The following CADPS variants were observed in gnomAD, a reference collection of about 807,000 sequenced individuals.
CADPS encodes the protein calcium dependent secretion activator, also known as calcium-dependent secretion activator 1.
CADPS carries 57 observed loss-of-function variants against 167.3 expected under a neutral mutation model. The observed-to-expected ratio is 0.34, with a 90% CI of 0.28 to 0.42. The LOEUF (loss-of-function observed/expected upper bound fraction) is 0.42, where lower values mean the gene tolerates loss of function less well. CADPS is among the 20% of genes least tolerant of loss of function. CADPS has a pLI of 1.00. For missense variants in CADPS, 1,414 were observed against 1,738.1 expected (o/e 0.81, Z 3.32); for synonymous variants, 676 against 635.3 (o/e 1.06, Z -0.96).
At chr3:62,674,827 T>C (rs1017770151) in intron 3 of CADPS, among the ~76,000 whole-genome samples, 1 of 152,208 alleles carries the variant, frequency 6.6e-6, no homozygotes, top group East Asian at 1.9e-4. Flanking sequence ...ACTCTCACTA[T>C]ATTCAAGAAG....
At chr3:62,853,205 A>T (rs1286213658) in intron 1 of CADPS, among the ~76,000 whole-genome samples, 1 of 152,242 alleles carries the variant, frequency 6.6e-6, no homozygotes, top group African/African-American at 2.4e-5. Context: ...GAAAAGAAAA[A>T]GAAAGAACTT....
At chr3:62,444,132 C>G (rs898977528) in intron 27 of CADPS, among the ~76,000 whole-genome samples, 6 of 152,196 alleles carry the variant, frequency 3.9e-5, no homozygotes, top group Non-Finnish European at 8.8e-5. Flanking sequence ...CCTGTTCAAA[C>G]CTGGCTGAGA....
intron 21 of CADPS, among the ~76,000 whole-genome samples, chr3:62,491,023 C>T (rs1029569147): frequency 2.6e-5 from 4 of 152,160 alleles, no homozygotes; most frequent in African/African-American, 9.7e-5. Context: ...AGAGATAACA[C>T]CATTGGAGTA....
intron 1 of CADPS, among the ~76,000 whole-genome samples, chr3:62,778,609 A>G (rs540449538): frequency 6.6e-6 from 1 of 152,334 alleles, no homozygotes; most frequent in South Asian, 2.1e-4. Flanking sequence ...GTCTTGCATC[A>G]GCATTACCCA....
chr3:62,605,962 A>AT (rs966668191), intron 6 of CADPS, among the ~76,000 whole-genome samples: 16 of 151,212 alleles, frequency 1.1e-4, no homozygotes, highest in Non-Finnish European at 1.3e-4. Flanking sequence ...TTTGGGTCTG[A>AT]TTTTTTTTTG....
chr3:62,669,565 G>T (rs2150725084), intron 3 of CADPS, among the ~76,000 whole-genome samples: 1 of 152,282 alleles, frequency 6.6e-6, no homozygotes, highest in East Asian at 1.9e-4. Context: ...CACCTTAAAT[G>T]TAGAGCCTGT....
intron 1 of CADPS, among the ~76,000 whole-genome samples, chr3:62,808,244 A>AAT (rs1044466766): frequency 3.5e-4 from 13 of 36,844 alleles, no homozygotes; most frequent in Admixed American, 1.9e-3. Flanking sequence ...AATGGAATAA[A>AAT]AATAATAAAA....
rs535614003 is a variant in CADPS, at chr3:62,822,883, A to T, written c.441+51706T>A. 2.0e-5 allele frequency among the ~76,000 whole-genome samples: 3 copies of T among 152,224 alleles called. No homozygotes were observed. The South Asian group carries it at 6.2e-4, about 32-fold the overall frequency. ...AAATTAAAATTAAATTAAAAAAATA[A>T]AAGAGACACGTCTTGGCTGATCGGA... On this transcript the variant is annotated intron_variant, in intron 1 of 29. Coordinates refer to ENST00000383710, the MANE Select transcript of CADPS (RefSeq NM_003716.4).
At position 62,524,679 on chromosome 3, in the gene CADPS, C is replaced by A. The variant is rs567880813; in HGVS notation, c.2292-6429G>T. ...ATTAACTCTATTAAAGGATGAAAGT[C>A]GTGGAGAAGTCTCTCTCTACTGAAC... On this transcript the variant is annotated intron_variant, in intron 13 of 29. Coordinates refer to ENST00000383710, the MANE Select transcript of CADPS (RefSeq NM_003716.4). Among the ~76,000 whole-genome samples the A allele has an allele frequency of 5.9e-5, 9 of 152,232 alleles. 1 individual carries two copies. Among genetic ancestry groups the A allele is most frequent in the African/African-American group, 1.9e-4 (8 of 41,550 alleles).
At chr3:62,667,369 C>T (rs538516423) in intron 3 of CADPS, among the ~76,000 whole-genome samples, 1 of 152,010 alleles carries the variant, frequency 6.6e-6, no homozygotes, top group African/African-American at 2.4e-5. Context: ...TGTTAGGAAC[C>T]TGTGTTCTGA....
At chr3:62,542,830 C>T (rs1263610096) in intron 11 of CADPS, among the ~76,000 whole-genome samples, 1 of 152,076 alleles carries the variant, frequency 6.6e-6, no homozygotes, top group Non-Finnish European at 1.5e-5. Flanking sequence ...GAGTAAAAAT[C>T]ATAACAGAGA....
intron 8 of CADPS, among the ~76,000 whole-genome samples, chr3:62,584,259 G>A (rs535910320): frequency 3.9e-5 from 6 of 152,040 alleles, no homozygotes; most frequent in Admixed American, 2.0e-4. Context: ...CTCCCGTCTC[G>A]GCCTCCCAAA....
chr3:62,470,000 A>G (rs961929526), intron 24 of CADPS, among the ~76,000 whole-genome samples: 2 of 152,228 alleles, frequency 1.3e-5, no homozygotes, highest in East Asian at 3.9e-4. Context: ...TTGTCATAGA[A>G]CAGATTGTGT....
At chr3:62,820,804 T>TG (rs2094877095) in intron 1 of CADPS, among the ~76,000 whole-genome samples, 1 of 150,802 alleles carries the variant, frequency 6.6e-6, no homozygotes, top group Non-Finnish European at 1.5e-5. Flanking sequence ...GGTTTTTTTT[T>TG]TTTTTCTGTC....
chr3:62,687,349 A>C (rs1214843069), intron 3 of CADPS, among the ~76,000 whole-genome samples: 1 of 152,120 alleles, frequency 6.6e-6, no homozygotes, highest in Non-Finnish European at 1.5e-5. Context: ...AATTTGTGAA[A>C]CAGTCCCAAA....
chr3:62,799,356 ACT>A (rs1369781862), intron 1 of CADPS, among the ~76,000 whole-genome samples: 1 of 152,136 alleles, frequency 6.6e-6, no homozygotes, highest in Non-Finnish European at 1.5e-5. Flanking sequence ...CTGGAGGCAG[ACT>A]ACCTAGATTC....
chr3:62,797,805 CT>C (rs1380357735), intron 1 of CADPS, among the ~76,000 whole-genome samples: 2 of 151,750 alleles, frequency 1.3e-5, no homozygotes, highest in African/African-American at 2.4e-5. Flanking sequence ...ACTTGCACCC[CT>C]GAACTGAAAA....
chr3:62,487,123 C>G (rs79459128), intron 21 of CADPS, among the ~76,000 whole-genome samples: 2,193 of 152,280 alleles, frequency 0.014, 56 homozygotes, highest in African/African-American at 0.05. Context: ...TGCCTCAGAA[C>G]AGTCCTAACT....
At chr3:62,496,159 T>C (rs1410911036) in intron 18 of CADPS, among the ~76,000 whole-genome samples, 1 of 152,006 alleles carries the variant, frequency 6.6e-6, no homozygotes, top group African/African-American at 2.4e-5. Context: ...ACTTTTTCTT[T>C]TGGGGAAGAA....
Sources: gnomAD v4.1 joint callset for allele counts (sites outside exome capture counted in the v4.1 genomes callset) on GRCh38, gnomAD v4.1.1 for gene constraint, MANE v1.5 for transcripts, NCBI Gene and HGNC (gene_info 2026-07-23, HGNC 2026-07-21) for gene names.